The following CLEC9A variants were observed in gnomAD, a reference collection of about 807,000 sequenced individuals.
CLEC9A encodes C-type lectin domain family 9 member A.
A neutral mutation model predicts 30.0 loss-of-function variants in CLEC9A; 24 were observed. The ratio of observed to expected loss-of-function variants is 0.80; its 90% CI spans 0.58 to 1.13. The LOEUF is 1.13. Among genes scored for constraint, CLEC9A ranks in the 50% most tolerant of loss-of-function variants. CLEC9A has a pLI of 0.00. For synonymous variants in CLEC9A, 111 were observed against 96.8 expected (o/e 1.15, Z -0.86); for missense variants, 251 against 280.9 (o/e 0.89, Z 0.76).
intron 5 of CLEC9A, among the ~76,000 whole-genome samples, chr12:10,057,348 ATTT>A (rs1271703935): frequency 6.6e-6 from 1 of 151,842 alleles, no homozygotes; most frequent in African/African-American, 2.4e-5. Context: ...ATACATATAT[ATTT>A]TTTAAATAGG....
chr12:10,032,591 C>T (rs1220153040), intron 1 of CLEC9A, among the ~76,000 whole-genome samples: 1 of 151,934 alleles, frequency 6.6e-6, no homozygotes, highest in Non-Finnish European at 1.5e-5. Context: ...TGGGGTTTCA[C>T]CGTGTTAGCC....
At chr12:10,054,180 T>C (rs956016984) in intron 4 of CLEC9A, 91 bp from the exon 5 acceptor site, 1 of 1,018,134 alleles carries the variant, frequency 9.8e-7, no homozygotes, top group East Asian at 2.4e-5. Context: ...CAATGTTAAT[T>C]CCTTCTTTTA....
chr12:10,038,323 GA>G (rs1283065561), intron 1 of CLEC9A, among the ~76,000 whole-genome samples: 1 of 152,080 alleles, frequency 6.6e-6, no homozygotes, highest in Non-Finnish European at 1.5e-5. Context: ...AAAATAATTT[GA>G]AGAGTGTAGA....
chr12:10,046,161 C>A (rs1865844205), intron 2 of CLEC9A, among the ~76,000 whole-genome samples: 1 of 152,138 alleles, frequency 6.6e-6, no homozygotes, highest in Non-Finnish European at 1.5e-5. Context: ...AGGAATAATA[C>A]ATCCTCCATT....
At chr12:10,042,451 T>C (rs754127749) in intron 2 of CLEC9A, among the ~76,000 whole-genome samples, 8 of 152,226 alleles carry the variant, frequency 5.3e-5, no homozygotes, top group Admixed American at 2.0e-4. Flanking sequence ...TAAACATTTG[T>C]CCTCCATTTA....
intron 5 of CLEC9A, among the ~76,000 whole-genome samples, chr12:10,058,258 T>G (rs1234985267): frequency 1.3e-5 from 2 of 152,202 alleles, no homozygotes; most frequent in Non-Finnish European, 2.9e-5. Context: ...ATGTTGAATC[T>G]AAGAAGAAAA....
intron 1 of CLEC9A, among the ~76,000 whole-genome samples, chr12:10,038,847 C>T (rs187608358): frequency 5.9e-5 from 9 of 152,198 alleles, no homozygotes; most frequent in African/African-American, 2.2e-4. Context: ...TAAAACAAAA[C>T]AAAACAAAAA....
chr12:10,037,866 G>A (rs192658802), intron 1 of CLEC9A, among the ~76,000 whole-genome samples: 175 of 152,252 alleles, frequency 1.1e-3, no homozygotes, highest in African/African-American at 3.9e-3. Context: ...AGTGATCAGC[G>A]TTATGGAAAA....
At chr12:10,063,235 T>C (rs1210328980) in intron 7 of CLEC9A, 29 bp downstream of exon 7, 1 of 1,509,442 alleles carries the variant, frequency 6.6e-7, no homozygotes, top group Admixed American at 2.4e-5. Flanking sequence ...TCTCATGTTA[T>C]TCTGAAAATA....
chr12:10,064,176 A>G (rs1866021984), intron 7 of CLEC9A, among the ~76,000 whole-genome samples: 2 of 152,222 alleles, frequency 1.3e-5, no homozygotes, highest in Admixed American at 1.3e-4. Context: ...TTCAACAAAA[A>G]TCATGAGAAA....
chr12:10,065,947 G>T lies in CLEC9A; in HGVS notation c.*315G>T, dbSNP rs1031824564. The T allele has an allele frequency of 1.0e-5, 2 of 191,182 alleles. No homozygotes were observed. Among genetic ancestry groups the T allele is most frequent in the African/African-American group, 4.7e-5 (2 of 42,754 alleles). The allele number at this position is 191,182 out of a possible 1,614,324, so 11.8% of individuals were successfully genotyped here. On this transcript the variant is annotated 3_prime_UTR_variant, in exon 9 of 9. Coordinates refer to ENST00000355819, the MANE Select transcript of CLEC9A (RefSeq NM_207345.4). ...TGACTGTAACTTTCACACAAGGTACGCATCTATGTTTTTGGGGGAGGTGAT... is the reference window on the plus strand; with the variant it reads ...TGACTGTAACTTTCACACAAGGTACTCATCTATGTTTTTGGGGGAGGTGAT...
At chr12:10,052,864 T>G in intron 4 of CLEC9A, 86 bp downstream of exon 4, 1 of 1,449,148 alleles carries the variant, frequency 6.9e-7, no homozygotes, top group South Asian at 1.3e-5. Context: ...AAGATGTTTA[T>G]TCTAATCCGA....
chr12:10,052,969 G>C, intron 4 of CLEC9A, 191 bp downstream of exon 4: 1 of 521,876 alleles, frequency 1.9e-6, no homozygotes, highest in South Asian at 5.4e-5. Context: ...CAATACACGT[G>C]ATAAACGTGC....
intron 6 of CLEC9A, among the ~76,000 whole-genome samples, chr12:10,062,396 A>T (rs1866005595): frequency 6.6e-6 from 1 of 152,162 alleles, no homozygotes; most frequent in Non-Finnish European, 1.5e-5. Context: ...TACACATTTG[A>T]CCATCCTTCT....
At chr12:10,060,374 C>T (rs1265381363) in intron 5 of CLEC9A, among the ~76,000 whole-genome samples, 1 of 152,166 alleles carries the variant, frequency 6.6e-6, no homozygotes, top group Non-Finnish European at 1.5e-5. Flanking sequence ...CTCAACAATA[C>T]AAAATAGGTG....
In CLEC9A at chr12:10,054,334, T is replaced by C. The variant is rs754794733; in HGVS notation, c.155T>C (p.Ile52Thr). 6 of 1,611,636 alleles carry C rather than the reference T, an allele frequency of 3.7e-6. No homozygotes were observed. The highest frequency in any genetic ancestry group is 5.1e-6 in the Non-Finnish European group (6 of 1,178,224). ...TGCATGGGATTATTAACAGCATCCA[T>C]TTTCTTGGGCGTCAAGTGTAAGTAC... ...VFCMGLLTAS[I>T]FLGVKLLQVS... The change falls in exon 5 of 9, where the codon ATT becomes ACT. Residue 52 changes from isoleucine (I) to threonine (T), a missense_variant. Physicochemically the swap from Ile to Thr is moderately conservative, Grantham distance 89. Coordinates refer to ENST00000355819, the MANE Select transcript of CLEC9A (RefSeq NM_207345.4).
chr12:10,061,405 T>A, intron 6 of CLEC9A, 132 bp downstream of exon 6: 2 of 907,916 alleles, frequency 2.2e-6, no homozygotes, highest in Non-Finnish European at 3.1e-6. Flanking sequence ...ATAATTTTGG[T>A]CACTCTTCAG....
At chr12:10,050,772 C>T (rs1039662877) in intron 2 of CLEC9A, among the ~76,000 whole-genome samples, 1 of 152,182 alleles carries the variant, frequency 6.6e-6, no homozygotes, top group Non-Finnish European at 1.5e-5. Flanking sequence ...ACATTAGTCT[C>T]AATGTACATT....
rs1866031107 is a variant in CLEC9A at position 10,065,029 on chromosome 12, C to T, written c.593+176C>T. 2.0e-5 allele frequency among the ~76,000 whole-genome samples: 3 copies of T among 152,190 alleles called. No homozygotes were observed. The South Asian group carries it at 6.2e-4, about 32-fold the overall frequency. On this transcript the variant is annotated intron_variant, in intron 8 of 8. Coordinates refer to ENST00000355819, the MANE Select transcript of CLEC9A (RefSeq NM_207345.4). ...GAGTAGCTTCATGCCTTCTAAGTCT[C>T]TCTCCTTCCCAGCCCTGCTTCTATT...
Sources: gnomAD v4.1 joint callset for allele counts (sites outside exome capture counted in the v4.1 genomes callset) on GRCh38, gnomAD v4.1.1 for gene constraint, MANE v1.5 for transcripts, NCBI Gene and HGNC (gene_info 2026-07-23, HGNC 2026-07-21) for gene names.